The following TUSC3 variants were observed in gnomAD, a reference collection of about 807,000 sequenced individuals.
The protein encoded by TUSC3 is tumor suppressor candidate 3.
A neutral mutation model predicts 44.8 loss-of-function variants in TUSC3; 45 were observed. The observed-to-expected ratio is 1.00, with a 90% CI of 0.79 to 1.29. The LOEUF is 1.29. TUSC3 is among the 50% of genes most tolerant of loss of function. The probability of loss-of-function intolerance (pLI) is 0.00; values close to 1 mark genes in which losing one functional copy is unlikely to be tolerated. For missense variants in TUSC3, 519 were observed against 437.9 expected, an observed-to-expected ratio of 1.19 and a Z score of -1.65; for synonymous variants, 212 against 152.9, an observed-to-expected ratio of 1.39 and a Z score of -2.85.
intron 2 of TUSC3, among the ~76,000 whole-genome samples, chr8:15,504,822 T>G (rs550277948): frequency 1.3e-5 from 2 of 150,838 alleles, no homozygotes; most frequent in South Asian, 4.2e-4. Flanking sequence ...CCAGCTAATT[T>G]TTTGTATTTT....
chr8:15,729,830 A>C (rs1810644487), intron 6 of TUSC3, among the ~76,000 whole-genome samples: 2 of 152,054 alleles, frequency 1.3e-5, no homozygotes, highest in African/African-American at 4.8e-5. Flanking sequence ...CCCATGTAAC[A>C]AATCTGCACA....
intron 5 of TUSC3, among the ~76,000 whole-genome samples, chr8:15,669,545 T>C (rs1346876383): frequency 6.6e-6 from 1 of 151,814 alleles, no homozygotes; most frequent in Non-Finnish European, 1.5e-5. Context: ...TGTCAAGTTA[T>C]TTCACTAATA....
intron 3 of TUSC3, among the ~76,000 whole-genome samples, chr8:15,653,673 A>C (rs1042381273): frequency 6.6e-6 from 1 of 152,200 alleles, no homozygotes; most frequent in African/African-American, 2.4e-5. Flanking sequence ...AAATGTGTAA[A>C]AGTTATAGCA....
chr8:15,744,253 T>A (rs1811312576), intron 8 of TUSC3, among the ~76,000 whole-genome samples: 1 of 152,166 alleles, frequency 6.6e-6, no homozygotes, highest in African/African-American at 2.4e-5. Flanking sequence ...CTCTCAGAGT[T>A]GTAGAAAAAC....
intron 1 of TUSC3, among the ~76,000 whole-genome samples, chr8:15,619,023 C>T (rs1355997789): frequency 1.3e-5 from 2 of 152,188 alleles, no homozygotes; most frequent in Non-Finnish European, 2.9e-5. Flanking sequence ...AGTCACAAGT[C>T]GGAACACTTC....
intron 6 of TUSC3, among the ~76,000 whole-genome samples, chr8:15,714,877 T>C (rs1585259064): frequency 6.6e-6 from 1 of 152,190 alleles, no homozygotes; most frequent in East Asian, 1.9e-4. Context: ...TTACATTTTA[T>C]TATTAATAGC....
chr8:15,555,378 C>T (rs2129138039), intron 1 of TUSC3, among the ~76,000 whole-genome samples: 1 of 137,448 alleles, frequency 7.3e-6, no homozygotes, highest in Admixed American at 7.8e-5. Context: ...TTCACTGTGG[C>T]CTTGACCTCC....
intron 2 of TUSC3, among the ~76,000 whole-genome samples, chr8:15,513,127 A>C (rs1163534157): frequency 6.6e-6 from 1 of 151,594 alleles, no homozygotes; most frequent in Non-Finnish European, 1.5e-5. Flanking sequence ...AGTAAATGAA[A>C]ATAACTCACA....
chr8:15,562,638 A>C (rs1390084422), intron 1 of TUSC3, among the ~76,000 whole-genome samples: 1 of 152,038 alleles, frequency 6.6e-6, no homozygotes. Flanking sequence ...CCTCTTCTCA[A>C]CTCATTCAAG....
At chr8:15,609,905 T>C (rs1407397449) in intron 1 of TUSC3, among the ~76,000 whole-genome samples, 1 of 152,128 alleles carries the variant, frequency 6.6e-6, no homozygotes, top group Non-Finnish European at 1.5e-5. Flanking sequence ...ACTATGAATA[T>C]ATTACCTTCT....
intron 6 of TUSC3, among the ~76,000 whole-genome samples, chr8:15,684,434 C>G (rs1363314617): frequency 6.6e-6 from 1 of 152,122 alleles, no homozygotes; most frequent in Non-Finnish European, 1.5e-5. Flanking sequence ...CCTGGCAGCC[C>G]AAGAGGCTTG....
intron 1 of TUSC3, among the ~76,000 whole-genome samples, chr8:15,567,610 C>A (rs535800106): frequency 6.6e-6 from 1 of 152,108 alleles, no homozygotes; most frequent in Non-Finnish European, 1.5e-5. Context: ...TTGATGAAAT[C>A]CTTTGTCATA....
At chr8:15,475,472 A>C (rs1585058402) in intron 1 of TUSC3, among the ~76,000 whole-genome samples, 1 of 152,178 alleles carries the variant, frequency 6.6e-6, no homozygotes, top group East Asian at 1.9e-4. Flanking sequence ...TTTTCTGTTT[A>C]TCTCTCAGTC....
At chr8:15,574,050 T>C (rs1802995445) in intron 1 of TUSC3, among the ~76,000 whole-genome samples, 1 of 152,156 alleles carries the variant, frequency 6.6e-6, no homozygotes, top group Non-Finnish European at 1.5e-5. Flanking sequence ...CCAGACTTTT[T>C]TGTTTGAATC....
At chr8:15,803,209 G>C in the TUSC3 span, among the ~76,000 whole-genome samples, 1 of 123,992 alleles carries the variant, frequency 8.1e-6, no homozygotes, top group East Asian at 2.2e-4. Context: ...AAAACAAATA[G>C]AATTTATCTT....
the TUSC3 span, among the ~76,000 whole-genome samples, chr8:15,804,222 A>C: frequency 2.2e-4 from 34 of 152,154 alleles, no homozygotes; most frequent in Admixed American, 1.6e-3. Context: ...TTGTTTCCTG[A>C]CTTTTTAATG....
intron 2 of TUSC3, among the ~76,000 whole-genome samples, chr8:15,515,292 A>T (rs535337315): frequency 2.0e-4 from 31 of 152,316 alleles, no homozygotes; most frequent in African/African-American, 7.5e-4. Flanking sequence ...AGCTGCCAAG[A>T]TTCAGTGACA....
intron 1 of TUSC3, among the ~76,000 whole-genome samples, chr8:15,429,928 C>T (rs1211466820): frequency 2.6e-5 from 4 of 151,420 alleles, no homozygotes; most frequent in Non-Finnish European, 5.9e-5. Context: ...AAGACTAAAC[C>T]AGGAAGAAGT....
chr8:15,518,239 C>G (rs1341138680), intron 2 of TUSC3, among the ~76,000 whole-genome samples: 1 of 151,962 alleles, frequency 6.6e-6, no homozygotes, highest in Non-Finnish European at 1.5e-5. Context: ...TCAATATTAC[C>G]TTTTCTCATG....
Sources: gnomAD v4.1 joint callset for allele counts (sites outside exome capture counted in the v4.1 genomes callset) on GRCh38, gnomAD v4.1.1 for gene constraint, MANE v1.5 for transcripts, NCBI Gene and HGNC (gene_info 2026-07-23, HGNC 2026-07-21) for gene names.